DSCAML1: variants seen among roughly 807,000 people sequenced by gnomAD.
DSCAML1 encodes cell adhesion molecule DSCAML1.
Under a neutral mutation model 200.5 loss-of-function variants are expected in DSCAML1, and 38 were observed. That is an observed-to-expected ratio of 0.19 (90% CI 0.15 to 0.25). DSCAML1 has a LOEUF of 0.25. DSCAML1 is among the 10% of genes least tolerant of loss of function. The probability of loss-of-function intolerance (pLI) is 1.00; values close to 1 mark genes in which losing one functional copy is unlikely to be tolerated. For missense variants in DSCAML1, 2,223 were observed against 2,858.8 expected (o/e 0.78, Z 5.07); for synonymous variants, 1,215 against 1,165.0 (o/e 1.04, Z -0.87).
intron 3 of DSCAML1, among the ~76,000 whole-genome samples, chr11:117,567,941 T>C (rs1161701565): frequency 1.3e-4 from 20 of 152,086 alleles, no homozygotes; most frequent in Non-Finnish European, 1.9e-4. Flanking sequence ...TTTAGACCAA[T>C]AGCCTTGATG....
At chr11:117,797,343 A>C, upstream of DSCAML1, 1 of 1,200,206 alleles carries the variant, frequency 8.3e-7, no homozygotes, top group Non-Finnish European at 1.1e-6. Flanking sequence ...CGGAGCCCAG[A>C]CGGACCCCAG....
At position 117,438,937 on chromosome 11, in the gene DSCAML1, C is replaced by T. The variant is rs773804106; in HGVS notation, c.4191G>A (p.Ser1397=). 1.1e-5 allele frequency: 18 copies of T among 1,609,488 alleles called. No homozygotes were observed. Among genetic ancestry groups the T allele is most frequent in the Middle Eastern group, 3.3e-4 (2 of 6,064 alleles). The change falls in exon 24 of 33, where the codon TCG becomes TCA. Residue 1397 remains serine (S), a synonymous_variant. Coordinates refer to ENST00000651296, the MANE Select transcript of DSCAML1 (RefSeq NM_020693.4). ...PRLTVSKTSA[S]SITLTWIPGD... ...CTGGAATCCAGGTCAGGGTGATGGA[C>T]GAAGCTGAGGTTTTGGAGACAGTGA...
chr11:117,738,391 G>T (rs2054360711), intron 3 of DSCAML1, among the ~76,000 whole-genome samples: 1 of 151,860 alleles, frequency 6.6e-6, no homozygotes. Flanking sequence ...TGTTTCTCAA[G>T]TCTTCCCCTA....
rs1438579450 is a variant in DSCAML1, at chr11:117,498,646, C to T, written c.2359+5199G>A. On this transcript the variant is annotated intron_variant, in intron 11 of 32. Transcript: ENST00000651296. The surrounding 1 kb of genome is among the most constrained non-coding windows in gnomAD (Gnocchi z 4.0). ...TTTCCAAAGTTTTGCATCCTGACCT[C>T]AGTCCCAGTGGCCAATCATGGTGGG... Among the ~76,000 whole-genome samples the T allele has an allele frequency of 6.6e-6, 1 of 152,150 alleles. No individual in the cohort carries two copies. The highest frequency in any genetic ancestry group is 1.5e-5 in the Non-Finnish European group (1 of 68,024).
chr11:117,717,232 G>A (rs1263816234), intron 3 of DSCAML1, among the ~76,000 whole-genome samples: 1 of 152,106 alleles, frequency 6.6e-6, no homozygotes, highest in African/African-American at 2.4e-5. Flanking sequence ...CACCGCCTGG[G>A]GCTCCTGTGC....
chr11:117,627,102 A>C (rs2052062782), intron 3 of DSCAML1, among the ~76,000 whole-genome samples: 1 of 152,206 alleles, frequency 6.6e-6, no homozygotes, highest in Non-Finnish European at 1.5e-5. Flanking sequence ...GCAGATAATT[A>C]ATTTTCTAAC....
intron 4 of DSCAML1, among the ~76,000 whole-genome samples, chr11:117,530,475 G>A (rs1183186099): frequency 6.6e-6 from 1 of 152,176 alleles, no homozygotes; most frequent in Non-Finnish European, 1.5e-5. Flanking sequence ...CCAAAGTCAA[G>A]CCACAAAGAT....
intron 3 of DSCAML1, among the ~76,000 whole-genome samples, chr11:117,613,965 G>A: frequency 6.6e-6 from 1 of 152,152 alleles, no homozygotes; most frequent in East Asian, 1.9e-4. Flanking sequence ...TGCTGGGGTG[G>A]GGCAGGGGTG....
At chr11:117,440,074 G>A in intron 21 of DSCAML1, 138 bp from the exon 22 acceptor site, 1 of 687,292 alleles carries the variant, frequency 1.5e-6, no homozygotes, top group Non-Finnish European at 2.6e-6. Context: ...TTTGGTGAGG[G>A]GTAGGTGTCA....
intron 1 of DSCAML1, among the ~76,000 whole-genome samples, chr11:117,791,259 A>G (rs1226774623): frequency 3.3e-5 from 5 of 152,226 alleles, no homozygotes; most frequent in Admixed American, 6.5e-5. Flanking sequence ...TAGGTCATGG[A>G]AGGAAGAGCA....
chr11:117,670,352 G>A (rs1037688429), intron 3 of DSCAML1, among the ~76,000 whole-genome samples: 3 of 151,924 alleles, frequency 2.0e-5, no homozygotes, highest in Admixed American at 6.6e-5. Context: ...CATTCAGAAC[G>A]AAATCCACTC....
At chr11:117,557,476 G>A (rs367653089) in intron 3 of DSCAML1, among the ~76,000 whole-genome samples, 2 of 152,284 alleles carry the variant, frequency 1.3e-5, no homozygotes, top group African/African-American at 4.8e-5. Context: ...AAAGCGAGCC[G>A]CAGCTTCCCA....
chr11:117,608,938 G>A (rs2051628880), intron 3 of DSCAML1, among the ~76,000 whole-genome samples: 1 of 152,052 alleles, frequency 6.6e-6, no homozygotes, highest in South Asian at 2.1e-4. Context: ...AGGCTGAGGT[G>A]GGCGGATCAC....
At chr11:117,679,430 C>T (rs540346739) in intron 3 of DSCAML1, among the ~76,000 whole-genome samples, 2 of 152,282 alleles carry the variant, frequency 1.3e-5, no homozygotes, top group Non-Finnish European at 2.9e-5. Context: ...AAAGGAGGCT[C>T]CACCAAGGGC....
At chr11:117,649,894 T>C (rs1429150835) in intron 3 of DSCAML1, among the ~76,000 whole-genome samples, 1 of 152,200 alleles carries the variant, frequency 6.6e-6, no homozygotes, top group Non-Finnish European at 1.5e-5. Flanking sequence ...CCTCTGCTCA[T>C]CGGAACCATG....
At chr11:117,705,080 A>G (rs2053736885) in intron 3 of DSCAML1, among the ~76,000 whole-genome samples, 1 of 152,228 alleles carries the variant, frequency 6.6e-6, no homozygotes, top group Non-Finnish European at 1.5e-5. Flanking sequence ...GGGAATGCAG[A>G]TAAGCCCCTA....
chr11:117,789,598 C>A (rs2055422295), intron 1 of DSCAML1, among the ~76,000 whole-genome samples: 1 of 152,140 alleles, frequency 6.6e-6, no homozygotes, highest in African/African-American at 2.4e-5. Flanking sequence ...AACTCAGGAG[C>A]ACCATGAAGC....
intron 3 of DSCAML1, among the ~76,000 whole-genome samples, chr11:117,705,174 T>C (rs2053738354): frequency 6.6e-6 from 1 of 152,304 alleles, no homozygotes; most frequent in South Asian, 2.1e-4. Context: ...ACCTTGCTAA[T>C]TTTATTTTGC....
chr11:117,647,317 G>C (rs942376282), intron 3 of DSCAML1, among the ~76,000 whole-genome samples: 8 of 152,210 alleles, frequency 5.3e-5, no homozygotes, highest in Non-Finnish European at 1.2e-4. Flanking sequence ...AATTGAGTCA[G>C]GCTAATGAGC....
Sources: gnomAD v4.1 joint callset for allele counts (sites outside exome capture counted in the v4.1 genomes callset) on GRCh38, gnomAD v4.1.1 for gene constraint, Gnocchi (gnomAD v3.1) non-coding constraint, MANE v1.5 for transcripts, NCBI Gene and HGNC (gene_info 2026-07-23, HGNC 2026-07-21) for gene names.